Variants in RBFOX1 observed in about 807,000 individuals in gnomAD.
RBFOX1 encodes RNA binding protein fox-1 homolog 1.
A neutral mutation model predicts 57.7 loss-of-function variants in RBFOX1; 8 were observed. That is an observed-to-expected ratio of 0.14 (90% confidence interval 0.08 to 0.25). The LOEUF is 0.25. Ranked by LOEUF, RBFOX1 falls within the 10% of genes least tolerant of loss-of-function variation. The probability of loss-of-function intolerance (pLI) is 1.00; values close to 1 mark genes in which losing one functional copy is unlikely to be tolerated. For missense variants in RBFOX1, 611 were observed against 548.5 expected (o/e 1.11, Z -1.14); for synonymous variants, 326 against 222.4 (o/e 1.47, Z -4.15).
At chr16:5,443,850 C>G (rs540980661) in intron 1 of RBFOX1, among the ~76,000 whole-genome samples, 14 of 152,202 alleles carry the variant, frequency 9.2e-5, no homozygotes, top group African/African-American at 3.4e-4. Flanking sequence ...TTTTGAAAGT[C>G]TGGGCTTTTT....
chr16:6,751,588 G>A (rs1410205128), intron 3 of RBFOX1, among the ~76,000 whole-genome samples: 5 of 152,150 alleles, frequency 3.3e-5, no homozygotes, highest in African/African-American at 1.2e-4. Flanking sequence ...CTGCACATCT[G>A]ATTTGGGAGT....
intron 4 of RBFOX1, among the ~76,000 whole-genome samples, chr16:7,106,682 C>T (rs7184564): frequency 0.28 from 42,926 of 151,650 alleles, 6,252 homozygotes; most frequent in East Asian, 0.48. Flanking sequence ...GGAAATCCTA[C>T]GATGTGTGAG....
At chr16:7,293,015 G>A (rs1160540304) in intron 4 of RBFOX1, among the ~76,000 whole-genome samples, 1 of 152,104 alleles carries the variant, frequency 6.6e-6, no homozygotes, top group Non-Finnish European at 1.5e-5. Context: ...AGGAAGTAAG[G>A]CAGAGAAAGT....
At chr16:6,342,624 A>G (rs896894580) in intron 2 of RBFOX1, among the ~76,000 whole-genome samples, 3 of 152,160 alleles carry the variant, frequency 2.0e-5, no homozygotes, top group Non-Finnish European at 4.4e-5. Context: ...TTAGAGAGTT[A>G]GGTATACATA....
intron 4 of RBFOX1, among the ~76,000 whole-genome samples, chr16:7,428,053 T>A (rs2098639342): frequency 6.6e-6 from 1 of 152,216 alleles, no homozygotes; most frequent in African/African-American, 2.4e-5. Context: ...ACCTGTCTTT[T>A]AAGTTGTGGC....
intron 4 of RBFOX1, among the ~76,000 whole-genome samples, chr16:7,308,895 C>A (rs963871781): frequency 5.3e-5 from 8 of 152,174 alleles, no homozygotes; most frequent in African/African-American, 1.9e-4. Context: ...AGTTACTTAC[C>A]TTGTGTTACT....
chr16:6,533,984 TATACACACACAC>T (rs1304538802), intron 2 of RBFOX1, among the ~76,000 whole-genome samples: 1 of 152,158 alleles, frequency 6.6e-6, no homozygotes, highest in Non-Finnish European at 1.5e-5. Context: ...TGTGTGTATA[TATACACACACAC>T]ATACACACAT....
At chr16:5,733,506 G>T (rs2052458076) in intron 3 of RBFOX1, among the ~76,000 whole-genome samples, 1 of 152,158 alleles carries the variant, frequency 6.6e-6, no homozygotes, top group African/African-American at 2.4e-5. Flanking sequence ...CTGGGCCGGG[G>T]TGGTCATGCC....
intron 1 of RBFOX1, among the ~76,000 whole-genome samples, chr16:6,192,355 T>C (rs2097147295): frequency 6.6e-6 from 1 of 152,166 alleles, no homozygotes; most frequent in Non-Finnish European, 1.5e-5. Context: ...TTTTGTCTTC[T>C]GAAGGAACGG....
chr16:6,839,715 A>G (rs2093351950), intron 3 of RBFOX1, among the ~76,000 whole-genome samples: 1 of 152,196 alleles, frequency 6.6e-6, no homozygotes, highest in Admixed American at 6.5e-5. Flanking sequence ...AAGGCACACG[A>G]TTCTTCTTGT....
At chr16:5,559,136 G>A (rs2045791326) in intron 2 of RBFOX1, among the ~76,000 whole-genome samples, 1 of 133,716 alleles carries the variant, frequency 7.5e-6, no homozygotes, top group Non-Finnish European at 1.6e-5. Context: ...AGCAAAAGGG[G>A]TTTATATAGC....
intron 3 of RBFOX1, among the ~76,000 whole-genome samples, chr16:5,722,222 T>C (rs1750078187): frequency 6.6e-6 from 1 of 152,176 alleles, no homozygotes; most frequent in South Asian, 2.1e-4. Flanking sequence ...GTTGTCGTTA[T>C]TGTTTCCTTG....
rs946355145 is a variant in RBFOX1, at chr16:7,518,533, C to T, written c.270+144C>T. 1.0e-5 allele frequency: 11 copies of T among 1,059,932 alleles called. No homozygotes were observed. The African/African-American group carries it at 1.4e-4, about 14-fold the overall frequency. 65.7% of individuals were successfully genotyped at this position (1,059,932 alleles called of 1,614,324 possible). A position where few individuals can be genotyped will look rare whatever the true frequency, so the allele number is the denominator to read the frequency against. On this transcript the variant is annotated intron_variant, in intron 5 of 15. Coordinates refer to ENST00000550418, the MANE Select transcript of RBFOX1 (RefSeq NM_018723.4). ...AGCCCACCCTCATCATACCAGCTTC[C>T]TGAAGTTTACCTCATTTCCATGCAT...
chr16:7,400,801 T>C (rs2098229081), intron 4 of RBFOX1, among the ~76,000 whole-genome samples: 1 of 152,190 alleles, frequency 6.6e-6, no homozygotes. Flanking sequence ...GTGGTGATGT[T>C]AGGAGGAGTC....
At chr16:6,899,980 C>T (rs532511812) in intron 3 of RBFOX1, among the ~76,000 whole-genome samples, 8 of 152,252 alleles carry the variant, frequency 5.3e-5, no homozygotes, top group South Asian at 4.1e-4. Context: ...GTTAATTTGC[C>T]TTTCTGTGCT....
At chr16:5,983,722 G>C (rs553477299) in intron 4 of RBFOX1, among the ~76,000 whole-genome samples, 10 of 152,126 alleles carry the variant, frequency 6.6e-5, no homozygotes, top group Non-Finnish European at 1.3e-4. Context: ...GTTGGAATTA[G>C]ATTGGATTTG....
intron 3 of RBFOX1, among the ~76,000 whole-genome samples, chr16:6,701,169 C>T (rs1009899375): frequency 6.6e-6 from 1 of 150,802 alleles, no homozygotes; most frequent in African/African-American, 2.4e-5. Context: ...TTGTCTTGGG[C>T]TGAAATGGCT....
intron 3 of RBFOX1, among the ~76,000 whole-genome samples, chr16:6,792,376 T>C (rs1267807007): frequency 1.3e-5 from 2 of 152,204 alleles, no homozygotes. Flanking sequence ...TGCATATCTT[T>C]ATGCAGAATT....
chr16:7,228,793 G>A (rs190894169), intron 4 of RBFOX1, among the ~76,000 whole-genome samples: 1 of 152,214 alleles, frequency 6.6e-6, no homozygotes, highest in Admixed American at 6.5e-5. Flanking sequence ...TTTATTTTGG[G>A]GGAAAATGGA....
Sources: gnomAD v4.1 joint callset for allele counts (sites outside exome capture counted in the v4.1 genomes callset) on GRCh38, gnomAD v4.1.1 for gene constraint, MANE v1.5 for transcripts, NCBI Gene and HGNC (gene_info 2026-07-23, HGNC 2026-07-21) for gene names.